ZNF273: variants seen among roughly 807,000 people sequenced by gnomAD.
ZNF273 encodes zinc finger protein 9.
Under a neutral mutation model 14.9 loss-of-function variants are expected in ZNF273, and 11 were observed. The ratio of observed to expected loss-of-function variants is 0.74; its 90% CI spans 0.46 to 1.22. ZNF273 has a LOEUF of 1.22. Among genes scored for constraint, ZNF273 ranks in the 50% most tolerant of loss-of-function variants. The pLI, the probability that ZNF273 is intolerant of heterozygous loss-of-function variation, is 0.00. For missense variants in ZNF273, 577 were observed against 660.6 expected (o/e 0.87, Z 1.39); for synonymous variants, 199 against 223.9 (o/e 0.89, Z 0.99).
rs1419077151 is a variant in ZNF273 at position 64,930,887 on chromosome 7, T to C, written c.*1849T>C. On this transcript the variant is annotated 3_prime_UTR_variant, in exon 4 of 4. Coordinates refer to ENST00000476120, the MANE Select transcript of ZNF273 (RefSeq NM_021148.3). ...ATCCTTTGTATTTTATTTTAAAATG[T>C]ACAACTAAATTGTTATGGACTACAG... 1.3e-5 allele frequency: 2 copies of C among 152,142 alleles called. No individual in the cohort carries two copies. The highest frequency in any genetic ancestry group is 3.8e-4 in the East Asian group (2 of 5,204). 9.4% of individuals were successfully genotyped at this position (152,142 alleles called of 1,614,324 possible). A position where few individuals can be genotyped will look rare whatever the true frequency, so the allele number is the denominator to read the frequency against.
At chr7:64,925,312 T>C in intron 3 of ZNF273, among the ~76,000 whole-genome samples, 2 of 152,322 alleles carry the variant, frequency 1.3e-5, no homozygotes, top group South Asian at 4.1e-4. Flanking sequence ...CATTTCTTTC[T>C]TATTTGTGTA....
At chr7:64,923,309 ATTGTTG>A in intron 3 of ZNF273, 1 of 453,990 alleles carries the variant, frequency 2.2e-6, no homozygotes, top group Non-Finnish European at 4.4e-6. Flanking sequence ...GTCCAGTTTT[ATTGTTG>A]TTGTTTGTTT....
At chr7:64,917,808 A>G in intron 2 of ZNF273, 101 bp downstream of exon 2, 6 of 1,260,076 alleles carry the variant, frequency 4.8e-6, no homozygotes, top group Non-Finnish European at 5.4e-6. Context: ...TTAGATCCCT[A>G]TTTTCAACAA....
chr7:64,919,050 C>T (rs1794238467), intron 3 of ZNF273, among the ~76,000 whole-genome samples: 1 of 152,014 alleles, frequency 6.6e-6, no homozygotes, highest in Non-Finnish European at 1.5e-5. Flanking sequence ...ACATTTAATC[C>T]TGTTTTTGTT....
chr7:64,935,461 G>T (rs779136543), downstream of ZNF273, among the ~76,000 whole-genome samples: 1 of 152,048 alleles, frequency 6.6e-6, no homozygotes, highest in African/African-American at 2.4e-5. Flanking sequence ...GTTTTATTCA[G>T]AGATTTATCA....
intron 3 of ZNF273, among the ~76,000 whole-genome samples, chr7:64,921,619 TTTTTTTTTTTTTTTTTTTGTG>T (rs1794456334): frequency 2.6e-5 from 1 of 37,872 alleles, no homozygotes; most frequent in Non-Finnish European, 4.8e-5. Flanking sequence ...TTTTTTTTTT[TTTTTTTTTTTTTTTTTTTGTG>T]TGTGAGACAG....
At chr7:64,922,299 A>C (rs1794524145) in intron 3 of ZNF273, among the ~76,000 whole-genome samples, 1 of 150,358 alleles carries the variant, frequency 6.7e-6, no homozygotes, top group South Asian at 2.1e-4. Flanking sequence ...GTACCATTAT[A>C]CCCAGTTAGT....
intron 1 of ZNF273, 32 bp downstream of exon 1, chr7:64,903,451 G>GGGGGA: frequency 6.3e-7 from 1 of 1,584,808 alleles, no homozygotes; most frequent in Non-Finnish European, 8.7e-7. Flanking sequence ...TCCCGAGAGA[G>GGGGGA]GGGGAGGGCC....
chr7:64,881,212 C>T (rs909454354), downstream of ZNF273, among the ~76,000 whole-genome samples: 8 of 152,194 alleles, frequency 5.3e-5, no homozygotes, highest in Admixed American at 2.0e-4. Flanking sequence ...GCAGTCATTC[C>T]GGGAGCCACA....
chr7:64,907,755 T>G (rs1793218363), intron 1 of ZNF273, among the ~76,000 whole-genome samples: 2 of 152,208 alleles, frequency 1.3e-5, no homozygotes, highest in African/African-American at 4.8e-5. Flanking sequence ...AATGGAACTC[T>G]GGGTGTCTGG....
intron 3 of ZNF273, among the ~76,000 whole-genome samples, chr7:64,894,881 G>A (rs1458169968): frequency 6.6e-6 from 1 of 151,976 alleles, no homozygotes; most frequent in East Asian, 1.9e-4. Flanking sequence ...CGTAATCCCA[G>A]CACTTTGGGA....
intron 1 of ZNF273, among the ~76,000 whole-genome samples, chr7:64,912,447 A>G (rs1186779159): frequency 6.6e-6 from 1 of 152,142 alleles, no homozygotes; most frequent in Non-Finnish European, 1.5e-5. Flanking sequence ...GTTTCTAAGA[A>G]CTTGCTTTAT....
chr7:64,883,707 C>T (rs1791411187), downstream of ZNF273, among the ~76,000 whole-genome samples: 1 of 152,206 alleles, frequency 6.6e-6, no homozygotes, highest in Admixed American at 6.5e-5. Flanking sequence ...CTGTCATTCC[C>T]GGAGCCACAT....
At chr7:64,895,538 A>G (rs2129048059) in intron 3 of ZNF273, among the ~76,000 whole-genome samples, 2 of 152,246 alleles carry the variant, frequency 1.3e-5, no homozygotes, top group Middle Eastern at 3.4e-3. Flanking sequence ...ACTTATTTGT[A>G]TGTTATATAG....
intron 3 of ZNF273, among the ~76,000 whole-genome samples, chr7:64,922,117 C>T (rs1584005606): frequency 7.3e-6 from 1 of 136,970 alleles, no homozygotes; most frequent in African/African-American, 3.0e-5. Flanking sequence ...CATTCTATTT[C>T]CTTTTTTTTT....
chr7:64,889,665 C>G (rs1228000478), downstream of ZNF273: 7 of 985,540 alleles, frequency 7.1e-6, no homozygotes, highest in East Asian at 3.4e-4. The surrounding 1 kb of genome is among the most constrained non-coding windows in gnomAD (Gnocchi z 4.2). Context: ...GTTCTGGAAC[C>G]GTCGCCCTGG....
At chr7:64,921,737 T>C (rs1019412205) in intron 3 of ZNF273, among the ~76,000 whole-genome samples, 1 of 149,190 alleles carries the variant, frequency 6.7e-6, no homozygotes, top group African/African-American at 2.5e-5. Context: ...GTGATTCTTC[T>C]GCCTCAGCCT....
At chr7:64,920,131 G>T (rs1794320706) in intron 3 of ZNF273, among the ~76,000 whole-genome samples, 1 of 152,158 alleles carries the variant, frequency 6.6e-6, no homozygotes, top group African/African-American at 2.4e-5. Flanking sequence ...GAGAGGGGTT[G>T]TAGCTTGCTC....
rs376549481 is a variant in ZNF273, at chr7:64,928,795, T to A, written c.1467T>A (p.Asn489Lys). The change falls in exon 4 of 4, where the codon AAT becomes AAA. Residue 489 changes from asparagine to lysine, a missense_variant. Physicochemically the swap from Asn to Lys is moderately conservative, Grantham distance 94. Coordinates refer to ENST00000476120, the MANE Select transcript of ZNF273 (RefSeq NM_021148.3). ...VHTGEKPYKCNECGKAFNWSS... is the reference protein window; with the variant it reads ...VHTGEKPYKCKECGKAFNWSS... ...CTGGAGAGAAACCTTACAAATGCAA[T>A]GAATGTGGTAAAGCCTTTAACTGGT... 1.1e-5 allele frequency: 17 copies of A among 1,610,850 alleles called. No individual in the cohort carries two copies. The highest frequency in any genetic ancestry group is 1.4e-5 in the Non-Finnish European group (16 of 1,179,288).
Sources: gnomAD v4.1 joint callset for allele counts (sites outside exome capture counted in the v4.1 genomes callset) on GRCh38, gnomAD v4.1.1 for gene constraint, Gnocchi (gnomAD v3.1) non-coding constraint, MANE v1.5 for transcripts, NCBI Gene and HGNC (gene_info 2026-07-23, HGNC 2026-07-21) for gene names.